The following PPFIBP2 variants were observed in gnomAD, a reference collection of about 807,000 sequenced individuals.
PPFIBP2 encodes the protein PPFIB scaffold protein 2, also known as liprin-beta-2.
A neutral mutation model predicts 118.3 loss-of-function variants in PPFIBP2; 118 were observed. The observed-to-expected ratio is 1.00, with a 90% CI of 0.86 to 1.16. PPFIBP2 has a LOEUF of 1.16. Among genes scored for constraint, PPFIBP2 ranks in the 50% most tolerant of loss-of-function variants. PPFIBP2 has a pLI of 0.00. For missense variants in PPFIBP2, 1,195 were observed against 1,073.1 expected, an observed-to-expected ratio of 1.11 and a Z score of -1.59; for synonymous variants, 414 against 397.4, an observed-to-expected ratio of 1.04 and a Z score of -0.50.
At chr11:7,631,326 A>AC (rs59122567) in intron 11 of PPFIBP2, 14,937 of 272,586 alleles carry the variant, frequency 0.055, 924 homozygotes, top group African/African-American at 0.17. Context: ...GTAAGCATAG[A>AC]CCAAAGGTGA....
intron 3 of PPFIBP2, among the ~76,000 whole-genome samples, chr11:7,576,123 T>C (rs1856290558): frequency 6.6e-6 from 1 of 152,134 alleles, no homozygotes; most frequent in African/African-American, 2.4e-5. Flanking sequence ...GCATGCGGCA[T>C]GAGGGGCATG....
chr11:7,619,686 G>A (rs1314715800), intron 6 of PPFIBP2, among the ~76,000 whole-genome samples: 1 of 152,226 alleles, frequency 6.6e-6, no homozygotes, highest in Non-Finnish European at 1.5e-5. Flanking sequence ...TGTTTTCCTG[G>A]AAGTAGAATT....
intron 6 of PPFIBP2, among the ~76,000 whole-genome samples, chr11:7,619,320 A>G (rs1184203791): frequency 6.6e-6 from 1 of 152,238 alleles, no homozygotes; most frequent in Non-Finnish European, 1.5e-5. Context: ...GGCAGGAGTT[A>G]ACCTGGCAGA....
chr11:7,608,439 A>G (rs890045863), intron 5 of PPFIBP2, among the ~76,000 whole-genome samples: 1 of 152,012 alleles, frequency 6.6e-6, no homozygotes, highest in African/African-American at 2.4e-5. Context: ...TCAGGAGTTC[A>G]AGACCAGCCT....
chr11:7,539,580 T>A (rs1851562005), intron 1 of PPFIBP2: 1 of 152,378 alleles, frequency 6.6e-6, no homozygotes, highest in African/African-American at 2.4e-5. Context: ...CCTTTTAGAA[T>A]GGGAGCTGAG....
intron 8 of PPFIBP2, among the ~76,000 whole-genome samples, chr11:7,628,030 G>A (rs139009166): frequency 5.3e-5 from 8 of 152,170 alleles, no homozygotes; most frequent in South Asian, 2.1e-4. Context: ...CTGTCCTCTC[G>A]AGTACATGGG....
chr11:7,519,880 T>C (rs921185350), intron 1 of PPFIBP2, among the ~76,000 whole-genome samples: 12 of 152,174 alleles, frequency 7.9e-5, no homozygotes, highest in Non-Finnish European at 8.8e-5. Flanking sequence ...AGCACGTTTT[T>C]CCCTGTTAAC....
At chr11:7,563,969 T>G (rs891459483) in intron 2 of PPFIBP2, among the ~76,000 whole-genome samples, 2 of 152,058 alleles carry the variant, frequency 1.3e-5, no homozygotes, top group Non-Finnish European at 2.9e-5. Flanking sequence ...ATTGAGACCA[T>G]CCTGGCTAAC....
intron 21 of PPFIBP2, 75 bp from the exon 22 acceptor site, chr11:7,650,765 C>T (rs373786958): frequency 3.0e-5 from 45 of 1,519,166 alleles, no homozygotes; most frequent in Admixed American, 1.9e-4. Flanking sequence ...GGTTACTTAC[C>T]GGGGCTGACT....
At chr11:7,628,146 C>A in intron 8 of PPFIBP2, 139 bp from the exon 9 acceptor site, 1 of 633,160 alleles carries the variant, frequency 1.6e-6, no homozygotes, top group South Asian at 2.4e-5. Flanking sequence ...GTAGCAGACA[C>A]CATCCCGGCC....
chr11:7,604,495 C>G (rs1847092235), intron 5 of PPFIBP2, among the ~76,000 whole-genome samples: 1 of 149,574 alleles, frequency 6.7e-6, no homozygotes, highest in Non-Finnish European at 1.5e-5. Flanking sequence ...CATACCTACT[C>G]ACCCACCCAT....
the PPFIBP2 span, chr11:7,665,353 A>T: frequency 0.4 from 598,047 of 1,483,134 alleles, 127,371 homozygotes; most frequent in Non-Finnish European, 0.44. Context: ...GACATGCAAA[A>T]TTGCTGAGCA....
intron 2 of PPFIBP2, among the ~76,000 whole-genome samples, chr11:7,559,275 C>T (rs893250180): frequency 2.0e-5 from 3 of 152,142 alleles, no homozygotes; most frequent in African/African-American, 7.2e-5. Context: ...ATGGTGTCTT[C>T]TAAATTTTCC....
intron 6 of PPFIBP2, chr11:7,617,317 T>G: frequency 2.0e-6 from 2 of 984,942 alleles, no homozygotes; most frequent in Non-Finnish European, 2.4e-6. Context: ...CTTAAGTATA[T>G]CAGAGCATGC....
At chr11:7,578,593 G>C (rs916260750) in intron 3 of PPFIBP2, among the ~76,000 whole-genome samples, 2 of 152,154 alleles carry the variant, frequency 1.3e-5, no homozygotes, top group African/African-American at 4.8e-5. Context: ...GCCTCTTGTG[G>C]ATCTTCTACC....
In PPFIBP2 at chr11:7,631,840, C is replaced by T. The variant is rs75636574; in HGVS notation, c.1068+812C>T. On this transcript the variant is annotated intron_variant, in intron 11 of 23. Transcript: ENST00000299492. Reference sequence around the variant, plus strand: ...TACCAAGTCTTACTGGATACCTCCACGTGGTCACTGTGATGAACATTGTAT... The same window carrying T: ...TACCAAGTCTTACTGGATACCTCCATGTGGTCACTGTGATGAACATTGTAT... Among the ~76,000 whole-genome samples, 628 of 152,308 alleles carry T rather than the reference C, an allele frequency of 4.1e-3. 5 individuals are homozygous for T. The highest frequency in any genetic ancestry group is 0.015 in the African/African-American group (606 of 41,568).
At chr11:7,644,547 C>T (rs1293860134) in intron 17 of PPFIBP2, among the ~76,000 whole-genome samples, 1 of 152,136 alleles carries the variant, frequency 6.6e-6, no homozygotes, top group Non-Finnish European at 1.5e-5. Context: ...GGTCCCCAAT[C>T]CTACTGCTCC....
intron 1 of PPFIBP2, chr11:7,538,252 T>G (rs1851412919): frequency 6.6e-6 from 1 of 152,336 alleles, no homozygotes; most frequent in African/African-American, 2.4e-5. Flanking sequence ...TGGGGTGGTG[T>G]TTCTCTTAAA....
At chr11:7,540,203 G>A (rs1429885303) in intron 1 of PPFIBP2, among the ~76,000 whole-genome samples, 1 of 152,076 alleles carries the variant, frequency 6.6e-6, no homozygotes, top group Non-Finnish European at 1.5e-5. Flanking sequence ...GGTAAGATTT[G>A]TGAAATAGAC....
Sources: gnomAD v4.1 joint callset for allele counts (sites outside exome capture counted in the v4.1 genomes callset) on GRCh38, gnomAD v4.1.1 for gene constraint, MANE v1.5 for transcripts, NCBI Gene and HGNC (gene_info 2026-07-23, HGNC 2026-07-21) for gene names.